The following GALNT8 variants were observed in gnomAD, a reference collection of about 807,000 sequenced individuals.
GALNT8 encodes the protein polypeptide N-acetylgalactosaminyltransferase 8, also known as probable polypeptide N-acetylgalactosaminyltransferase 8.
A neutral mutation model predicts 62.7 loss-of-function variants in GALNT8; 66 were observed. The ratio of observed to expected loss-of-function variants is 1.05; its 90% CI spans 0.86 to 1.29. The LOEUF (loss-of-function observed/expected upper bound fraction) is 1.29. GALNT8 is among the 50% of genes most tolerant of loss of function. The pLI is 0.00. For synonymous variants in GALNT8, 288 were observed against 294.3 expected, an observed-to-expected ratio of 0.98 and a Z score of 0.22; for missense variants, 771 against 791.8, an observed-to-expected ratio of 0.97 and a Z score of 0.32.
chr12:4,751,460 A>G (rs529740768), intron 6 of GALNT8, among the ~76,000 whole-genome samples: 73 of 152,160 alleles, frequency 4.8e-4, no homozygotes, highest in African/African-American at 1.6e-3. Flanking sequence ...TTGTGTTTCC[A>G]TTATCATTTG....
At chr12:4,761,348 C>T (rs1026602734) in intron 7 of GALNT8, among the ~76,000 whole-genome samples, 46 of 152,154 alleles carry the variant, frequency 3.0e-4, no homozygotes, top group Non-Finnish European at 3.5e-4. Flanking sequence ...ACTTATTAGC[C>T]GTCACAACAT....
At chr12:4,724,797 C>T (rs1473808568) in intron 1 of GALNT8, among the ~76,000 whole-genome samples, 1 of 152,142 alleles carries the variant, frequency 6.6e-6, no homozygotes, top group East Asian at 1.9e-4. Flanking sequence ...TCTTTTTGGG[C>T]CAGTCTTACG....
chr12:4,727,375 C>T (rs983251714), intron 2 of GALNT8, among the ~76,000 whole-genome samples: 4 of 152,032 alleles, frequency 2.6e-5, no homozygotes, highest in Non-Finnish European at 5.9e-5. Context: ...ATTCACATAC[C>T]ATGCAATTTA....
chr12:4,726,841 C>A lies in GALNT8; in HGVS notation c.509+12C>A. The A allele has an allele frequency of 6.3e-7, 1 of 1,597,796 alleles. No individual in the cohort carries two copies. The highest frequency in any genetic ancestry group is 1.1e-5 in the South Asian group (1 of 88,534). On this transcript the variant is annotated intron_variant, in intron 2 of 10. Transcript: ENST00000252318. The surrounding 1 kb of genome is among the most constrained non-coding windows in gnomAD (Gnocchi z 4.1). ...ACGCGAGACTACAGGTGGGATGAACCAGGCTTGGGCTTCTAGGGTCCTCAG... is the reference window on the plus strand; with the variant it reads ...ACGCGAGACTACAGGTGGGATGAACAAGGCTTGGGCTTCTAGGGTCCTCAG...
At chr12:4,727,376 A>G (rs557939305) in intron 2 of GALNT8, among the ~76,000 whole-genome samples, 6 of 152,198 alleles carry the variant, frequency 3.9e-5, no homozygotes, top group South Asian at 4.1e-4. Flanking sequence ...TTCACATACC[A>G]TGCAATTTAT....
chr12:4,764,575 G>C (rs554309465), intron 9 of GALNT8, among the ~76,000 whole-genome samples: 1 of 131,014 alleles, frequency 7.6e-6, no homozygotes, highest in Non-Finnish European at 1.6e-5. Flanking sequence ...ACAGAGTCTC[G>C]ATCTGTCGCC....
intron 9 of GALNT8, 30 bp downstream of exon 9, chr12:4,764,077 T>A: frequency 3.3e-6 from 4 of 1,213,124 alleles, no homozygotes; most frequent in South Asian, 1.2e-5. Context: ...TGGCCCTGCC[T>A]GGGCAAGTCT....
At chr12:4,739,575 T>A (rs1003597724) in intron 3 of GALNT8, among the ~76,000 whole-genome samples, 6 of 151,730 alleles carry the variant, frequency 4.0e-5, no homozygotes, top group African/African-American at 1.5e-4. Context: ...TGTGCTTAAA[T>A]TGGGCTGCAA....
Position 4,746,146 on chromosome 12 carries a change from G to T in GALNT8, c.1061G>T (p.Ser354Ile). The change falls in exon 6 of 11, where the codon AGT becomes ATT. Residue 354 changes from serine (S) to isoleucine (I), a missense_variant and splice_region_variant. Physicochemically the swap from Ser to Ile is moderately radical, Grantham distance 142 (BLOSUM62 -2). Coordinates refer to ENST00000252318, the MANE Select transcript of GALNT8 (RefSeq NM_017417.2). The stretch of plus-strand genomic sequence containing the variant: ...GACTCTTGCTGTGTGCTCTGTAGGA[G>T]TCCTTCAATCATGGGCATCCTGGCT... Reference protein sequence around the residue: ...DLHDVTAPVKSPSIMGILAAN... With the variant: ...DLHDVTAPVKIPSIMGILAAN... 6.3e-7 allele frequency: 1 copy of T among 1,581,664 alleles called. No homozygotes were observed. The highest frequency in any genetic ancestry group is 1.7e-4 in the Middle Eastern group (1 of 5,992).
At chr12:4,768,925 T>C (rs1946411368) in intron 10 of GALNT8, among the ~76,000 whole-genome samples, 1 of 152,208 alleles carries the variant, frequency 6.6e-6, no homozygotes, top group South Asian at 2.1e-4. Flanking sequence ...TGAGACTAGA[T>C]CATCCCTTCG....
At chr12:4,767,172 G>T (rs968751823) in intron 10 of GALNT8, among the ~76,000 whole-genome samples, 4 of 152,130 alleles carry the variant, frequency 2.6e-5, no homozygotes, top group Non-Finnish European at 5.9e-5. Context: ...TCCTTGGGAA[G>T]CTTTCTGTGA....
At position 4,749,670 on chromosome 12, in the gene GALNT8, C is replaced by T. The variant is rs1465382213; in HGVS notation, c.1173+3412C>T. 6.6e-6 allele frequency among the ~76,000 whole-genome samples: 1 copy of T among 150,750 alleles called. No homozygotes were observed. Among genetic ancestry groups the T allele is most frequent in the Non-Finnish European group, 1.5e-5 (1 of 67,832 alleles). ...GTCTTGTTTTGGTAGCAGGGTAATACTGGCCTCATAGAATGAGTTTGGAAA... is the reference window on the plus strand; with the variant it reads ...GTCTTGTTTTGGTAGCAGGGTAATATTGGCCTCATAGAATGAGTTTGGAAA... On this transcript the variant is annotated intron_variant, in intron 6 of 10. Transcript: ENST00000252318. This position sits in a 1 kb window ranked among gnomAD's most constrained non-coding sequence, Gnocchi z 4.1.
At chr12:4,758,637 TGAGAGAGAGAGAGAGA>T (rs60343127) in intron 6 of GALNT8, among the ~76,000 whole-genome samples, 3 of 59,676 alleles carry the variant, frequency 5.0e-5, no homozygotes, top group African/African-American at 1.8e-4. Context: ...TGTGTGTGTG[TGAGAGAGAGAGAGAGA>T]GAGAGAGAGA....
intron 1 of GALNT8, among the ~76,000 whole-genome samples, chr12:4,724,147 T>A (rs1946183937): frequency 1.2e-4 from 4 of 33,650 alleles, no homozygotes; most frequent in African/African-American, 4.7e-4. Flanking sequence ...AGACTCCGTC[T>A]CAAAAAAAAA....
rs371840166 is a variant in GALNT8 at position 4,765,510 on chromosome 12, T to C, written c.1725T>C (p.Ala575=). The C allele has an allele frequency of 1.4e-5, 22 of 1,611,540 alleles. No homozygotes were observed. The African/African-American group carries it at 2.1e-4, about 16-fold the overall frequency. The change falls in exon 10 of 11, where the codon GCT becomes GCC. Residue 575 remains alanine, a synonymous_variant. Transcript: ENST00000252318. The stretch of plus-strand genomic sequence containing the variant: ...CCTTAGAACCATGCTCCAAGGCAGC[T>C]AAGAATAGACTGCATATATATTGGG... The part of the protein sequence containing the change: ...KPTLEPCSKA[A]KNRLHIYWDF...
Position 4,726,922 on chromosome 12 carries a change from G to T in GALNT8, c.509+93G>T. On this transcript the variant is annotated intron_variant, in intron 2 of 10. Coordinates refer to ENST00000252318, the MANE Select transcript of GALNT8 (RefSeq NM_017417.2). This position sits in a 1 kb window ranked among gnomAD's most constrained non-coding sequence, Gnocchi z 4.1. The stretch of plus-strand genomic sequence containing the variant: ...GAACATTGAAGGCTGGGGGAGTGGG[G>T]GATTGTTGGGGAAGGGGTTCAGGCT... The T allele has an allele frequency of 9.4e-7, 1 of 1,059,232 alleles. No homozygotes were observed. Among genetic ancestry groups the T allele is most frequent in the Non-Finnish European group, 1.4e-6 (1 of 724,270 alleles). 65.6% of individuals were successfully genotyped at this position (1,059,232 alleles called of 1,614,324 possible).
At position 4,720,676 on chromosome 12, in the gene GALNT8, A is replaced by G. The variant is rs1946162031; in HGVS notation, c.-2A>G. The G allele has an allele frequency of 6.3e-7, 1 of 1,599,804 alleles. No homozygotes were observed. Among genetic ancestry groups the G allele is most frequent in the African/African-American group, 1.3e-5 (1 of 74,662 alleles). On this transcript the variant is annotated 5_prime_UTR_variant, in exon 1 of 11. Transcript: ENST00000252318. ...AGGGAGTGGACGACCCCCAGGAAGA[A>G]GATGATGTTTTGGAGGAAACTCCCC...
chr12:4,739,766 G>A (rs1946263275), intron 3 of GALNT8, among the ~76,000 whole-genome samples: 2 of 151,328 alleles, frequency 1.3e-5, no homozygotes, highest in African/African-American at 2.4e-5. Context: ...CTGGGTCCGC[G>A]CCATTCTCCT....
chr12:4,722,059 C>T (rs1044728324), intron 1 of GALNT8, among the ~76,000 whole-genome samples: 5 of 152,130 alleles, frequency 3.3e-5, no homozygotes, highest in African/African-American at 7.2e-5. Context: ...TCAGGGAGCA[C>T]GGGGTTGGGG....
Sources: gnomAD v4.1 joint callset for allele counts (sites outside exome capture counted in the v4.1 genomes callset) on GRCh38, gnomAD v4.1.1 for gene constraint, Gnocchi (gnomAD v3.1) non-coding constraint, MANE v1.5 for transcripts, NCBI Gene and HGNC (gene_info 2026-07-23, HGNC 2026-07-21) for gene names.